CMIP: variants seen among roughly 807,000 people sequenced by gnomAD.
CMIP encodes the protein c-Maf inducing protein.
CMIP carries 13 observed loss-of-function variants against 97.3 expected under a neutral mutation model. That is an observed-to-expected ratio of 0.13 (90% CI 0.09 to 0.21). The LOEUF (loss-of-function observed/expected upper bound fraction) is 0.21. CMIP is among the 10% of genes least tolerant of loss of function. The probability of loss-of-function intolerance (pLI) is 1.00; values close to 1 mark genes in which losing one functional copy is unlikely to be tolerated. For synonymous variants in CMIP, 538 were observed against 436.3 expected (o/e 1.23, Z -2.91); for missense variants, 847 against 1,024.9 (o/e 0.83, Z 2.37).
intron 1 of CMIP, among the ~76,000 whole-genome samples, chr16:81,562,682 C>T (rs1246130191): frequency 6.6e-6 from 1 of 152,268 alleles, no homozygotes; most frequent in African/African-American, 2.4e-5. Flanking sequence ...CCATCCCATG[C>T]TGGGTGGTTC....
chr16:81,495,294 G>T (rs2089468476), intron 1 of CMIP: 1 of 1,429,362 alleles, frequency 7.0e-7, no homozygotes. Context: ...GAACCCTCTG[G>T]GGCGGGGCCC....
intron 6 of CMIP, among the ~76,000 whole-genome samples, chr16:81,662,314 A>G (rs1269844220): frequency 6.6e-6 from 1 of 152,116 alleles, no homozygotes; most frequent in African/African-American, 2.4e-5. Flanking sequence ...CACTTGCCTC[A>G]CTGTGTTTCC....
chr16:81,600,542 C>G (rs2091640987), intron 1 of CMIP, among the ~76,000 whole-genome samples: 1 of 152,108 alleles, frequency 6.6e-6, no homozygotes, highest in African/African-American at 2.4e-5. Context: ...ACAGGCAAGT[C>G]CCATTGATAG....
intron 1 of CMIP, among the ~76,000 whole-genome samples, chr16:81,576,371 T>C (rs890423017): frequency 2.6e-5 from 4 of 151,792 alleles, no homozygotes; most frequent in African/African-American, 9.7e-5. Context: ...GTCACTGAAC[T>C]CCAGTCTGGG....
intron 1 of CMIP, among the ~76,000 whole-genome samples, chr16:81,494,496 C>T (rs996605475): frequency 2.6e-5 from 4 of 152,188 alleles, no homozygotes; most frequent in African/African-American, 9.7e-5. Flanking sequence ...CCAGACAGCT[C>T]CCCTTCCACC....
intron 14 of CMIP, among the ~76,000 whole-genome samples, chr16:81,698,839 G>T (rs1160334552): frequency 6.6e-6 from 1 of 152,226 alleles, no homozygotes; most frequent in African/African-American, 2.4e-5. Context: ...GGTACCTCAT[G>T]TAAGTGGAGT....
intron 1 of CMIP, among the ~76,000 whole-genome samples, chr16:81,510,464 G>A (rs567315367): frequency 6.6e-6 from 1 of 152,306 alleles, no homozygotes; most frequent in South Asian, 2.1e-4. Context: ...GTCTTCTGAG[G>A]AAACACTATT....
chr16:81,458,905 A>G (rs756650254), intron 1 of CMIP, among the ~76,000 whole-genome samples: 1 of 152,164 alleles, frequency 6.6e-6, no homozygotes, highest in African/African-American at 2.4e-5. Flanking sequence ...TAGAGTGTGG[A>G]CACGTGGCAT....
chr16:81,480,561 C>T (rs11865840), intron 1 of CMIP, among the ~76,000 whole-genome samples: 25,732 of 152,082 alleles, frequency 0.17, 2,480 homozygotes, highest in African/African-American at 0.26. Flanking sequence ...AAAATCTCCA[C>T]CTGAGTCCAA....
rs531306050 is a variant in CMIP, at chr16:81,614,506, A to G, written c.427-6370A>G. ...AATGACACAAATGATGACCCCAGCA[A>G]GTCTGGGTGTGTGTGTGGTATATGC... is the stretch of plus-strand genomic sequence containing the variant. On this transcript the variant is annotated intron_variant, in intron 2 of 20. Coordinates refer to ENST00000537098, the MANE Select transcript of CMIP (RefSeq NM_198390.3). The surrounding 1 kb of genome is among the most constrained non-coding windows in gnomAD (Gnocchi z 5.3). 6.6e-6 allele frequency among the ~76,000 whole-genome samples: 1 copy of G among 152,306 alleles called. No individual in the cohort carries two copies. The highest frequency in any genetic ancestry group is 1.5e-5 in the Non-Finnish European group (1 of 68,024).
At chr16:81,633,229 G>A (rs907866331) in intron 3 of CMIP, among the ~76,000 whole-genome samples, 3 of 152,262 alleles carry the variant, frequency 2.0e-5, no homozygotes, top group Non-Finnish European at 4.4e-5. Flanking sequence ...GGCGTCTGCA[G>A]TGTGTCTCTT....
chr16:81,560,878 A>G (rs2090869129), intron 1 of CMIP, among the ~76,000 whole-genome samples: 1 of 152,182 alleles, frequency 6.6e-6, no homozygotes, highest in South Asian at 2.1e-4. Context: ...GTTTGTGTAA[A>G]TACACTCTAT....
At chr16:81,499,993 C>T (rs1048266707) in intron 1 of CMIP, among the ~76,000 whole-genome samples, 1 of 152,228 alleles carries the variant, frequency 6.6e-6, no homozygotes, top group Non-Finnish European at 1.5e-5. Context: ...CTGCTGACTT[C>T]TGGAGGAGCC....
At chr16:81,552,796 C>G (rs1047174470) in intron 1 of CMIP, among the ~76,000 whole-genome samples, 1 of 152,200 alleles carries the variant, frequency 6.6e-6, no homozygotes, top group Non-Finnish European at 1.5e-5. Flanking sequence ...GTGGGAGAAG[C>G]CAGGCTACCT....
At chr16:81,637,806 A>G (rs977713218) in intron 3 of CMIP, among the ~76,000 whole-genome samples, 1 of 152,206 alleles carries the variant, frequency 6.6e-6, no homozygotes, top group Non-Finnish European at 1.5e-5. Context: ...CCCTGGCGCA[A>G]CAGAAATTCA....
intron 14 of CMIP, chr16:81,696,924 C>G (rs775246662): frequency 1.8e-6 from 1 of 540,830 alleles, no homozygotes; most frequent in African/African-American, 1.9e-5. Context: ...AGTGAGAAGA[C>G]GACACATGTC....
At chr16:81,641,509 A>G (rs1303997869) in intron 3 of CMIP, among the ~76,000 whole-genome samples, 2 of 152,140 alleles carry the variant, frequency 1.3e-5, no homozygotes, top group African/African-American at 4.8e-5. Context: ...AGGATGTGGT[A>G]CTCAGCTGGG....
At chr16:81,538,322 C>T (rs1054513225) in intron 1 of CMIP, among the ~76,000 whole-genome samples, 8 of 152,208 alleles carry the variant, frequency 5.3e-5, no homozygotes, top group African/African-American at 1.9e-4. Context: ...TGGCTCCTGC[C>T]TGCAGTGGCC....
At chr16:81,452,263 C>G (rs1306628135) in intron 1 of CMIP, among the ~76,000 whole-genome samples, 2 of 152,164 alleles carry the variant, frequency 1.3e-5, no homozygotes, top group African/African-American at 2.4e-5. Flanking sequence ...TGCAGTGTCC[C>G]AGGTGGTGAC....
Sources: gnomAD v4.1 joint callset for allele counts (sites outside exome capture counted in the v4.1 genomes callset) on GRCh38, gnomAD v4.1.1 for gene constraint, Gnocchi (gnomAD v3.1) non-coding constraint, MANE v1.5 for transcripts, NCBI Gene and HGNC (gene_info 2026-07-23, HGNC 2026-07-21) for gene names.